Variants in ASPSCR1 observed in about 807,000 individuals in gnomAD.
ASPSCR1 encodes the protein tether containing UBX domain for GLUT4.
A neutral mutation model predicts 68.9 loss-of-function variants in ASPSCR1; 55 were observed. That is an observed-to-expected ratio of 0.80 (90% CI 0.64 to 1.00). The LOEUF (loss-of-function observed/expected upper bound fraction) is 1.00, where lower values mean the gene tolerates loss of function less well. ASPSCR1 is among the 50% of genes least tolerant of loss of function. The pLI, the probability that ASPSCR1 is intolerant of heterozygous loss-of-function variation, is 0.00. For synonymous variants in ASPSCR1, 352 were observed against 332.6 expected (o/e 1.06, Z -0.63); for missense variants, 765 against 762.2 (o/e 1.00, Z -0.04).
rs1339662552 is a variant in ASPSCR1 at position 81,984,927 on chromosome 17, A to AC, written c.274-575dup. On this transcript the variant is annotated intron_variant, in intron 3 of 15. Coordinates refer to ENST00000306739, the MANE Select transcript of ASPSCR1 (RefSeq NM_024083.4). ...CACACCCCTACAGCAACGTGCACAC[A>AC]CCCCCACACCCGCACACACCCGCAC... Among the ~76,000 whole-genome samples the AC allele has an allele frequency of 5.3e-5, 4 of 75,430 alleles. No individual in the cohort carries two copies. The East Asian group carries it at 1.4e-3, about 26-fold the overall frequency. The allele number at this position is 75,430 out of a possible 152,430, so 49.5% of individuals were successfully genotyped here.
chr17:82,012,425 G>T (rs545136983), intron 12 of ASPSCR1, 142 bp downstream of exon 12: 530 of 994,260 alleles, frequency 5.3e-4, no homozygotes, highest in Admixed American at 7.7e-4. Flanking sequence ...GGTGGGTTCC[G>T]AGGGGGCCGT....
intron 4 of ASPSCR1, among the ~76,000 whole-genome samples, chr17:81,989,362 G>C (rs114341171): frequency 0.044 from 6,638 of 152,300 alleles, 202 homozygotes; most frequent in African/African-American, 0.083. Context: ...TGGGCTCTCT[G>C]CTGGGAGCTG....
At chr17:82,000,933 C>T (rs1598414815) in intron 7 of ASPSCR1, among the ~76,000 whole-genome samples, 2 of 152,136 alleles carry the variant, frequency 1.3e-5, no homozygotes, top group East Asian at 3.9e-4. Context: ...CGGCAGCTGG[C>T]ACGAGGGCCG....
At chr17:82,006,588 G>C (rs1312086086) in intron 7 of ASPSCR1, 1 of 152,242 alleles carries the variant, frequency 6.6e-6, no homozygotes, top group East Asian at 1.9e-4. Context: ...GCTCCAGGAC[G>C]CCTCACCCCC....
Position 82,017,098 on chromosome 17 carries a change from T to C in ASPSCR1, c.1633T>C (p.Trp545Arg). 1.3e-6 allele frequency: 2 copies of C among 1,598,546 alleles called. No homozygotes were observed. The highest frequency in any genetic ancestry group is 1.7e-6 in the Non-Finnish European group (2 of 1,174,010). ...VKRSLGKVPK[W>R]LKLPASKR The stretch of plus-strand genomic sequence containing the variant: ...GAGGAGCCTGGGCAAGGTGCCCAAG[T>C]GGCTGAAGCTGCCGGGTACTGCGGC... Residue 545 changes from tryptophan (W) to arginine (R), a missense_variant, in exon 15 of 16, where the codon TGG becomes CGG. Trp to Arg is a moderately radical substitution (Grantham distance 101). Transcript: ENST00000306739.
At chr17:81,988,678 G>A (rs182968062) in intron 4 of ASPSCR1, among the ~76,000 whole-genome samples, 147 of 152,240 alleles carry the variant, frequency 9.7e-4, no homozygotes, top group Non-Finnish European at 1.7e-3. Flanking sequence ...GTTGTTGCTG[G>A]TGAATATGCT....
rs2042345539 is a variant in ASPSCR1 at position 81,996,497 on chromosome 17, C to T, written c.584C>T (p.Ala195Val). Reference protein sequence around the residue: ...LGSSASAGQAAASAPLPLESG... With the variant: ...LGSSASAGQAVASAPLPLESG... ...TCGTCAGCGTCGGCTGGCCAGGCAG[C>T]CGCCAGCGCTCCACTTCCCTTGGAA... Residue 195 changes from alanine (A) to valine (V), a missense_variant, in exon 7 of 16, where the codon GCC becomes GTC. Coordinates refer to ENST00000306739, the MANE Select transcript of ASPSCR1 (RefSeq NM_024083.4). The T allele has an allele frequency of 6.2e-7, 1 of 1,611,742 alleles. No individual in the cohort carries two copies. The highest frequency in any genetic ancestry group is 8.5e-7 in the Non-Finnish European group (1 of 1,179,248).
intron 4 of ASPSCR1, among the ~76,000 whole-genome samples, chr17:81,988,205 A>T (rs2042056801): frequency 2.0e-5 from 3 of 149,714 alleles, no homozygotes; most frequent in African/African-American, 7.4e-5. Context: ...TCACGCCTGT[A>T]ATTCCAACCC....
At position 81,983,128 on chromosome 17, in the gene ASPSCR1, A is replaced by G. The variant is rs2041848001; in HGVS notation, c.159-426A>G. On this transcript the variant is annotated intron_variant, in intron 2 of 15. Transcript: ENST00000306739. The surrounding 1 kb of genome is among the most constrained non-coding windows in gnomAD (Gnocchi z 4.4). Reference sequence around the variant, plus strand: ...CGAAAGTGCTGGGATTACAGGCGTGAGCCACTGCGCCCGGGCAGTCAGGTT... The same window carrying G: ...CGAAAGTGCTGGGATTACAGGCGTGGGCCACTGCGCCCGGGCAGTCAGGTT... Among the ~76,000 whole-genome samples the G allele has an allele frequency of 6.6e-6, 1 of 152,236 alleles. No individual in the cohort carries two copies. The highest frequency in any genetic ancestry group is 1.5e-5 in the Non-Finnish European group (1 of 68,044).
intron 4 of ASPSCR1, among the ~76,000 whole-genome samples, chr17:81,992,667 CCT>C (rs1270484079): frequency 6.6e-6 from 1 of 152,238 alleles, no homozygotes; most frequent in Non-Finnish European, 1.5e-5. Context: ...TTCCTTGAGG[CCT>C]CTCTCTGCCT....
At chr17:82,000,938 G>T (rs912183166) in intron 7 of ASPSCR1, among the ~76,000 whole-genome samples, 1 of 152,178 alleles carries the variant, frequency 6.6e-6, no homozygotes, top group Non-Finnish European at 1.5e-5. Flanking sequence ...GCTGGCACGA[G>T]GGCCGCTCCT....
intron 9 of ASPSCR1, 125 bp downstream of exon 9, chr17:82,009,692 G>C: frequency 1.4e-6 from 1 of 727,398 alleles, no homozygotes; most frequent in Non-Finnish European, 2.2e-6. Context: ...TCTGTGGACA[G>C]GACGTGGTGG....
Position 82,014,933 on chromosome 17 carries a change from C to T in ASPSCR1, c.1354-1543C>T, listed in dbSNP as rs538074987. 9.5e-5 allele frequency: 99 copies of T among 1,041,004 alleles called. 1 individual carries two copies. The highest frequency in any genetic ancestry group is 7.9e-4 in the South Asian group (47 of 59,192). 64.5% of individuals were successfully genotyped at this position (1,041,004 alleles called of 1,614,324 possible). ...GGCACCCCCACTTCTCCCTGTCAGCCGAGGGAGCCAGGCAGGGGCAGCCTG... is the reference window on the plus strand; with the variant it reads ...GGCACCCCCACTTCTCCCTGTCAGCTGAGGGAGCCAGGCAGGGGCAGCCTG... On this transcript the variant is annotated intron_variant, in intron 12 of 15. Transcript: ENST00000306739.
Position 81,985,607 on chromosome 17 carries a change from G to A in ASPSCR1, c.374G>A (p.Arg125Lys). ...WELLSHFPQI[R>K]ECLQHPGGAT... ...CTTCTCAGCCATTTTCCACAGATCA[G>A]GTGAGCATCAGTGGGCTGGGGGCTC... The change falls in exon 4 of 16, where the codon AGG (arginine) becomes AAG (lysine). Residue 125 changes from arginine (R) to lysine (K), a missense_variant and splice_region_variant. Physicochemically the swap from Arg to Lys is conservative, Grantham distance 26. Transcript: ENST00000306739. The A allele has an allele frequency of 6.2e-7, 1 of 1,613,194 alleles. No individual in the cohort carries two copies.
chr17:81,996,308 CG>C, intron 6 of ASPSCR1, 111 bp from the exon 7 acceptor site: 1 of 1,210,904 alleles, frequency 8.3e-7, no homozygotes, highest in Non-Finnish European at 1.0e-6. Flanking sequence ...GAGGGTGAAC[CG>C]GGGGCGGGAG....
At chr17:82,013,607 G>A (rs750884143) in intron 12 of ASPSCR1, 3 of 152,260 alleles carry the variant, frequency 2.0e-5, no homozygotes, top group Admixed American at 1.3e-4. Flanking sequence ...GCCCCACTCC[G>A]GCTGCCTGCT....
At chr17:81,980,190 C>T (rs1000051612) in intron 2 of ASPSCR1, among the ~76,000 whole-genome samples, 1 of 152,196 alleles carries the variant, frequency 6.6e-6, no homozygotes, top group Non-Finnish European at 1.5e-5. Context: ...ACCACATTGG[C>T]CAGGACGGTC....
In ASPSCR1 at chr17:81,987,585, A is replaced by G. The variant is rs925650498; in HGVS notation, c.374+1978A>G. On this transcript the variant is annotated intron_variant, in intron 4 of 15. Transcript: ENST00000306739. The surrounding 1 kb of genome is among the most constrained non-coding windows in gnomAD (Gnocchi z 5.6). Reference sequence around the variant, plus strand: ...TGGCCCAGAGTGGCCTGGGGCTGCCACTGGGGAGGGGCCGAGGGTGTCTGG... The same window carrying G: ...TGGCCCAGAGTGGCCTGGGGCTGCCGCTGGGGAGGGGCCGAGGGTGTCTGG... Among the ~76,000 whole-genome samples the G allele has an allele frequency of 2.6e-5, 4 of 152,192 alleles. No homozygotes were observed. Among genetic ancestry groups the G allele is most frequent in the Admixed American group, 2.6e-4 (4 of 15,282 alleles).
At position 81,995,994 on chromosome 17, in the gene ASPSCR1, G is replaced by C; in HGVS notation, c.435G>C (p.Val145=). 1.2e-6 allele frequency: 2 copies of C among 1,609,662 alleles called. No homozygotes were observed. The change falls in exon 6 of 16, where the codon GTG becomes GTC. Residue 145 remains valine, a splice_region_variant and synonymous_variant. Coordinates refer to ENST00000306739, the MANE Select transcript of ASPSCR1 (RefSeq NM_024083.4). ...TPVCVYTRDE[V]TGEAALRGTT... ...TGTCCTGGCTGCTCCTCCTGCAGGT[G>C]ACGGGTGAAGCTGCCCTGCGGGGCA...
Sources: gnomAD v4.1 joint callset for allele counts (sites outside exome capture counted in the v4.1 genomes callset) on GRCh38, gnomAD v4.1.1 for gene constraint, Gnocchi (gnomAD v3.1) non-coding constraint, MANE v1.5 for transcripts, NCBI Gene and HGNC (gene_info 2026-07-23, HGNC 2026-07-21) for gene names.